The following BRI3BP variants were observed in gnomAD, a reference collection of about 807,000 sequenced individuals.
BRI3BP encodes BRI3 binding protein, also known as BRI3-binding protein.
A neutral mutation model predicts 15.8 loss-of-function variants in BRI3BP; 7 were observed. That is an observed-to-expected ratio of 0.44 (90% CI 0.25 to 0.83). The LOEUF is 0.83. Among genes scored for constraint, BRI3BP ranks in the 40% least tolerant of loss-of-function variants. BRI3BP has a pLI of 0.20. For missense variants in BRI3BP, 320 were observed against 339.3 expected (o/e 0.94, Z 0.45); for synonymous variants, 192 against 163.5 (o/e 1.17, Z -1.33).
At chr12:125,045,923 G>A in the BRI3BP span, among the ~76,000 whole-genome samples, 1 of 152,118 alleles carries the variant, frequency 6.6e-6, no homozygotes. Context: ...CCAGAAATTT[G>A]GGAGGCTGAG....
the BRI3BP span, among the ~76,000 whole-genome samples, chr12:125,050,505 A>G: frequency 1.3e-5 from 2 of 152,282 alleles, no homozygotes; most frequent in African/African-American, 2.4e-5. Context: ...ATCGACTTAC[A>G]GTATAGACAG....
At chr12:125,009,725 C>T (rs570830580) in intron 1 of BRI3BP, among the ~76,000 whole-genome samples, 12 of 152,290 alleles carry the variant, frequency 7.9e-5, no homozygotes, top group Non-Finnish European at 1.3e-4. Context: ...GTGTGAGCCA[C>T]CGTGCCCAGC....
intron 2 of BRI3BP, among the ~76,000 whole-genome samples, chr12:125,014,595 A>C (rs1012373335): frequency 4.6e-5 from 7 of 152,168 alleles, no homozygotes; most frequent in African/African-American, 1.7e-4. Context: ...CTCCCTGCCC[A>C]GGCTTTTTAC....
intron 1 of BRI3BP, among the ~76,000 whole-genome samples, chr12:125,003,275 G>A (rs1459804751): frequency 6.6e-6 from 1 of 152,160 alleles, no homozygotes; most frequent in African/African-American, 2.4e-5. Flanking sequence ...GTCCCCGGGT[G>A]TTGGATGTCC....
chr12:125,031,574 ATTTTTTTTT>A (rs367625363), downstream of BRI3BP, among the ~76,000 whole-genome samples: 3,921 of 84,114 alleles, frequency 0.047, 68 homozygotes, highest in Middle Eastern at 0.11. Context: ...TTTTCTTTCT[ATTTTTTTTT>A]TTTTTTTTTT....
intron 1 of BRI3BP, among the ~76,000 whole-genome samples, chr12:124,997,713 G>A (rs1287379146): frequency 6.6e-6 from 1 of 152,096 alleles, no homozygotes; most frequent in African/African-American, 2.4e-5. Flanking sequence ...TGATGCCCTG[G>A]CATGGTGGCT....
chr12:125,046,444 C>T, the BRI3BP span, among the ~76,000 whole-genome samples: 86 of 152,118 alleles, frequency 5.7e-4, no homozygotes, highest in African/African-American at 1.7e-3. Context: ...GTCCCATCTA[C>T]TCAGGAAGCT....
chr12:125,012,554 G>A lies in BRI3BP; in HGVS notation c.234G>A (p.Glu78=). 1.9e-6 allele frequency: 3 copies of A among 1,612,186 alleles called. No individual in the cohort carries two copies. The highest frequency in any genetic ancestry group is 2.5e-6 in the Non-Finnish European group (3 of 1,178,244). The part of the protein sequence containing the change: ...AAQKFLARLT[E]RFVLGVDMFV... Reference sequence around the variant, plus strand: ...TGCAGTTCTTGGCCAGGCTGACTGAGAGATTTGTGCTGGGAGTGGATATGT... The same window carrying A: ...TGCAGTTCTTGGCCAGGCTGACTGAAAGATTTGTGCTGGGAGTGGATATGT... The change falls in exon 2 of 3, where the codon GAG becomes GAA. Residue 78 remains glutamate, a synonymous_variant. Coordinates refer to ENST00000341446, the MANE Select transcript of BRI3BP (RefSeq NM_080626.6).
the BRI3BP span, among the ~76,000 whole-genome samples, chr12:125,041,574 G>T: frequency 6.6e-6 from 1 of 152,128 alleles, no homozygotes; most frequent in African/African-American, 2.4e-5. Flanking sequence ...CTACATTAGG[G>T]TGTTGAATGA....
chr12:125,024,480 A>G (rs1955330494), intron 2 of BRI3BP, among the ~76,000 whole-genome samples: 1 of 152,170 alleles, frequency 6.6e-6, no homozygotes, highest in South Asian at 2.1e-4. Context: ...AGAGGTTTTT[A>G]AAACTCAACA....
chr12:125,009,383 A>C (rs1469515845), intron 1 of BRI3BP, among the ~76,000 whole-genome samples: 1 of 134,514 alleles, frequency 7.4e-6, no homozygotes, highest in African/African-American at 2.8e-5. Context: ...TCTGCCTCCC[A>C]GGTTCAAGCA....
At chr12:124,999,409 G>A (rs1349613864) in intron 1 of BRI3BP, among the ~76,000 whole-genome samples, 5 of 151,756 alleles carry the variant, frequency 3.3e-5, no homozygotes, top group South Asian at 2.1e-4. Flanking sequence ...TGCACTATGC[G>A]CACTGTTTTG....
chr12:124,994,128 G>A (rs908245868), intron 1 of BRI3BP, 125 bp downstream of exon 1: 3 of 638,038 alleles, frequency 4.7e-6, no homozygotes, highest in African/African-American at 4.0e-5. Flanking sequence ...GGAAGAGGGG[G>A]TCCGGCCTGC....
In BRI3BP at chr12:124,993,754, C is replaced by CA. The variant is rs1955015237; in HGVS notation, c.-36dup. The stretch of plus-strand genomic sequence containing the variant: ...CCGCTGCGGCCCAGCGCACGGCCCT[C>CA]ACCCCGCATCGCGACCCCGCGCCCC... On this transcript the variant is annotated 5_prime_UTR_variant, in exon 1 of 3. Coordinates refer to ENST00000341446, the MANE Select transcript of BRI3BP (RefSeq NM_080626.6). 1 of 987,616 alleles carries CA rather than the reference C, an allele frequency of 1.0e-6. No individual in the cohort carries two copies. The highest frequency in any genetic ancestry group is 6.1e-5 in the Admixed American group (1 of 16,402). 61.2% of individuals were successfully genotyped at this position (987,616 alleles called of 1,614,324 possible).
At chr12:125,009,818 T>A (rs1955181844) in intron 1 of BRI3BP, among the ~76,000 whole-genome samples, 1 of 151,692 alleles carries the variant, frequency 6.6e-6, no homozygotes, top group Non-Finnish European at 1.5e-5. Context: ...ATATTGGACA[T>A]CGGCCGGGCA....
chr12:125,025,486 A>G lies in BRI3BP; in HGVS notation c.*56A>G. ...CCAGCACGCTGTCTCAGAAAACGAA[A>G]ACGGAGGAAAAAAACCCCAAACCCC... On this transcript the variant is annotated 3_prime_UTR_variant, in exon 3 of 3. Transcript: ENST00000341446. The G allele has an allele frequency of 7.0e-7, 1 of 1,434,442 alleles. No individual in the cohort carries two copies. The highest frequency in any genetic ancestry group is 1.4e-5 in the South Asian group (1 of 69,510). 88.9% of individuals were successfully genotyped at this position (1,434,442 alleles called of 1,614,324 possible).
intron 1 of BRI3BP, among the ~76,000 whole-genome samples, chr12:125,009,541 C>T (rs1299094820): frequency 2.0e-5 from 3 of 151,934 alleles, no homozygotes; most frequent in African/African-American, 2.4e-5. Flanking sequence ...CTACTCGCCT[C>T]GGCTTCCCAA....
chr12:125,003,122 C>T (rs925345599), intron 1 of BRI3BP, among the ~76,000 whole-genome samples: 14 of 152,242 alleles, frequency 9.2e-5, no homozygotes, highest in Admixed American at 5.9e-4. Flanking sequence ...CTCCCGTCCC[C>T]TCTCCCTGGC....
rs66571863 is a variant in BRI3BP at position 125,000,016 on chromosome 12, C to CTTT, written c.213+6029_213+6031dup. ...TTCTGGGAACTGCCTTTTGGTTTTT[C>CTTT]TTTTTTTTTTTTTTTTTTGCCGTTC... On this transcript the variant is annotated intron_variant, in intron 1 of 2. Transcript: ENST00000341446. Among the ~76,000 whole-genome samples the CTTT allele has an allele frequency of 5.7e-3, 233 of 40,712 alleles. 9 individuals carry two copies. The highest frequency in any genetic ancestry group is 0.024 in the East Asian group (30 of 1,264). 26.7% of individuals were successfully genotyped at this position (40,712 alleles called of 152,430 possible).
Sources: gnomAD v4.1 joint callset for allele counts (sites outside exome capture counted in the v4.1 genomes callset) on GRCh38, gnomAD v4.1.1 for gene constraint, MANE v1.5 for transcripts, NCBI Gene and HGNC (gene_info 2026-07-23, HGNC 2026-07-21) for gene names.